Variants in XIRP2 observed in about 807,000 individuals in gnomAD.
XIRP2 encodes the protein xin actin binding repeat containing 2.
XIRP2 carries 236 observed loss-of-function variants against 277.0 expected under a neutral mutation model. The ratio of observed to expected loss-of-function variants is 0.85; its 90% CI spans 0.77 to 0.95. XIRP2 has a LOEUF of 0.95. XIRP2 is among the 40% of genes least tolerant of loss of function. The pLI, the probability that XIRP2 is intolerant of heterozygous loss-of-function variation, is 0.00. For missense variants in XIRP2, 4,640 were observed against 4,157.5 expected (o/e 1.12, Z -3.19); for synonymous variants, 1,490 against 1,416.5 (o/e 1.05, Z -1.17).
chr2:167,042,413 A>G (rs1688680929), intron 2 of XIRP2, among the ~76,000 whole-genome samples: 1 of 152,200 alleles, frequency 6.6e-6, no homozygotes, highest in Non-Finnish European at 1.5e-5. Flanking sequence ...TAAAGAAGCA[A>G]GACTCAACTG....
chr2:167,239,260 T>A (rs1260357927), intron 5 of XIRP2, among the ~76,000 whole-genome samples: 1 of 152,218 alleles, frequency 6.6e-6, no homozygotes, highest in Non-Finnish European at 1.5e-5. Context: ...CATTTTTGCT[T>A]GCTAAGTGTA....
chr2:167,030,271 G>T (rs1688306128), intron 2 of XIRP2, among the ~76,000 whole-genome samples: 1 of 151,858 alleles, frequency 6.6e-6, no homozygotes. Flanking sequence ...GAATTTGTTT[G>T]CTCTTTCTTC....
At chr2:167,024,586 G>C (rs1688094215) in intron 2 of XIRP2, among the ~76,000 whole-genome samples, 1 of 152,032 alleles carries the variant, frequency 6.6e-6, no homozygotes, top group African/African-American at 2.4e-5. Flanking sequence ...TATTGGCTGT[G>C]GGTTTGTCAT....
intron 2 of XIRP2, among the ~76,000 whole-genome samples, chr2:167,027,030 C>G (rs1485283042): frequency 6.6e-6 from 1 of 151,952 alleles, no homozygotes; most frequent in African/African-American, 2.4e-5. Flanking sequence ...CTCTATATTT[C>G]CTGAATGTGA....
intron 2 of XIRP2, among the ~76,000 whole-genome samples, chr2:166,953,161 A>G (rs1277997791): frequency 6.6e-6 from 1 of 151,918 alleles, no homozygotes; most frequent in Non-Finnish European, 1.5e-5. Context: ...CCAAAGTGCA[A>G]ATGTGCAGTG....
In XIRP2 at chr2:166,997,057, C is replaced by T. The variant is rs571519876; in HGVS notation, c.408+93167C>T. On this transcript the variant is annotated intron_variant, in intron 2 of 10. Transcript: ENST00000409195. ...ATAAGTTTTCTTTGTGTTGCTTATA[C>T]TATGAAGGAGGACGTCTACTGGACC... 7.2e-5 allele frequency among the ~76,000 whole-genome samples: 11 copies of T among 152,268 alleles called. No homozygotes were observed. The East Asian group carries it at 1.9e-3, about 27-fold the overall frequency.
chr2:167,214,093 A>AGAAAGAAGGAAGGAAG (rs1553500653), intron 4 of XIRP2, among the ~76,000 whole-genome samples: 6 of 64,368 alleles, frequency 9.3e-5, no homozygotes, highest in African/African-American at 3.9e-4. Context: ...GAAGAAAGAA[A>AGAAAGAAGGAAGGAAG]GAAGGAAGGA....
chr2:166,926,157 A>T (rs181005189), intron 2 of XIRP2, among the ~76,000 whole-genome samples: 1 of 152,096 alleles, frequency 6.6e-6, no homozygotes, highest in Admixed American at 6.6e-5. Flanking sequence ...GCTTGAGGTT[A>T]TTTGGTTTTC....
intron 2 of XIRP2, among the ~76,000 whole-genome samples, chr2:167,099,016 A>G (rs1432258842): frequency 6.6e-6 from 1 of 152,112 alleles, no homozygotes; most frequent in Non-Finnish European, 1.5e-5. Flanking sequence ...TCTGTTTCTT[A>G]GCAGAGCTAA....
At chr2:167,167,081 A>G (rs2105345856) in intron 3 of XIRP2, among the ~76,000 whole-genome samples, 1 of 152,324 alleles carries the variant, frequency 6.6e-6, no homozygotes, top group African/African-American at 2.4e-5. Context: ...GTCAATATGC[A>G]ATACCCCTTT....
At chr2:167,140,325 C>G (rs1057461824) in intron 3 of XIRP2, among the ~76,000 whole-genome samples, 3 of 152,288 alleles carry the variant, frequency 2.0e-5, no homozygotes, top group Non-Finnish European at 2.9e-5. Flanking sequence ...AGGTCAGAAG[C>G]AAACCTTTGT....
In XIRP2 at chr2:167,258,862, G is replaced by A. The variant is rs371997749; in HGVS notation, c.*1045G>A. 5.0e-6 allele frequency: 8 copies of A among 1,612,950 alleles called. No homozygotes were observed. Among genetic ancestry groups the A allele is most frequent in the Middle Eastern group, 1.6e-4 (1 of 6,070 alleles). On this transcript the variant is annotated 3_prime_UTR_variant, in exon 11 of 11. Coordinates refer to ENST00000409195, the MANE Select transcript of XIRP2 (RefSeq NM_152381.6). ...TATTTGAATCTGAAAAGACTTATTC[G>A]AGGAATGTACTAGCAATGGCTCTGA...
At chr2:166,895,307 G>A (rs1684214576) in intron 1 of XIRP2, among the ~76,000 whole-genome samples, 1 of 152,064 alleles carries the variant, frequency 6.6e-6, no homozygotes, top group Non-Finnish European at 1.5e-5. Flanking sequence ...GGCTTCCATG[G>A]CAATTTGCAA....
chr2:166,909,133 G>C (rs1189748160), intron 2 of XIRP2, among the ~76,000 whole-genome samples: 1 of 152,166 alleles, frequency 6.6e-6, no homozygotes, highest in East Asian at 1.9e-4. Flanking sequence ...GTTTAAAGTA[G>C]TTTTTTCCAA....
At chr2:166,910,429 T>G (rs989898983) in intron 2 of XIRP2, among the ~76,000 whole-genome samples, 8 of 152,188 alleles carry the variant, frequency 5.3e-5, no homozygotes, top group Middle Eastern at 3.4e-3. Context: ...TCTGATGGTA[T>G]TTTGTATTTC....
At chr2:167,167,411 C>G (rs1425950162) in intron 3 of XIRP2, among the ~76,000 whole-genome samples, 1 of 151,996 alleles carries the variant, frequency 6.6e-6, no homozygotes, top group African/African-American at 2.4e-5. Context: ...TTTTTGTCTT[C>G]CACCATTCTT....
chr2:167,222,296 G>A (rs1019314484), intron 5 of XIRP2, among the ~76,000 whole-genome samples: 1 of 152,120 alleles, frequency 6.6e-6, no homozygotes, highest in Admixed American at 6.6e-5. Context: ...CCTGCTAGCC[G>A]GCAGAGTATG....
At chr2:167,129,502 G>C (rs1691310638) in intron 2 of XIRP2, among the ~76,000 whole-genome samples, 1 of 151,988 alleles carries the variant, frequency 6.6e-6, no homozygotes, top group Non-Finnish European at 1.5e-5. Context: ...TTGTATTAAA[G>C]ACTTGGCATT....
intron 2 of XIRP2, among the ~76,000 whole-genome samples, chr2:166,950,433 T>C (rs772623995): frequency 9.9e-5 from 15 of 152,058 alleles, no homozygotes; most frequent in Non-Finnish European, 1.5e-4. Context: ...AGTAGAGTTG[T>C]TACTTTTGGC....
Sources: gnomAD v4.1 joint callset for allele counts (sites outside exome capture counted in the v4.1 genomes callset) on GRCh38, gnomAD v4.1.1 for gene constraint, MANE v1.5 for transcripts, NCBI Gene and HGNC (gene_info 2026-07-23, HGNC 2026-07-21) for gene names.